Variants in DNAJC1 observed in about 807,000 individuals in gnomAD.
DNAJC1 encodes DnaJ heat shock protein family (Hsp40) member C1.
A neutral mutation model predicts 76.6 loss-of-function variants in DNAJC1; 58 were observed. The observed-to-expected ratio is 0.76, with a 90% CI of 0.61 to 0.94. The LOEUF is 0.94. DNAJC1 is among the 40% of genes least tolerant of loss of function. The pLI is 0.00. For missense variants in DNAJC1, 689 were observed against 677.3 expected (o/e 1.02, Z -0.19); for synonymous variants, 258 against 267.9 (o/e 0.96, Z 0.36).
At chr10:21,977,754 G>C (rs1331882904) in intron 1 of DNAJC1, among the ~76,000 whole-genome samples, 1 of 152,140 alleles carries the variant, frequency 6.6e-6, no homozygotes, top group Non-Finnish European at 1.5e-5. Flanking sequence ...CCCTGCATAT[G>C]AACATTATAT....
chr10:21,932,828 GC>G (rs1364966647), intron 1 of DNAJC1, among the ~76,000 whole-genome samples: 1 of 152,056 alleles, frequency 6.6e-6, no homozygotes, highest in African/African-American at 2.4e-5. Flanking sequence ...TTGCCATGTT[GC>G]CCAGGCTGGT....
intron 1 of DNAJC1, among the ~76,000 whole-genome samples, chr10:21,997,644 G>C (rs1263410258): frequency 6.6e-6 from 1 of 152,172 alleles, no homozygotes; most frequent in African/African-American, 2.4e-5. Context: ...CAACCATGGG[G>C]CACGGATGAA....
At chr10:21,809,966 G>A (rs1232639496) in intron 8 of DNAJC1, among the ~76,000 whole-genome samples, 1 of 151,672 alleles carries the variant, frequency 6.6e-6, no homozygotes. Flanking sequence ...GTGTGGCGGG[G>A]TGGGGGGAAT....
chr10:21,903,965 C>T (rs375950229), intron 7 of DNAJC1, among the ~76,000 whole-genome samples: 4 of 152,196 alleles, frequency 2.6e-5, no homozygotes, highest in South Asian at 2.1e-4. Context: ...AAAAGGACTG[C>T]GGCTGAGAAA....
intron 1 of DNAJC1, among the ~76,000 whole-genome samples, chr10:21,993,457 C>T (rs1433966813): frequency 1.3e-5 from 2 of 152,184 alleles, no homozygotes; most frequent in Non-Finnish European, 2.9e-5. Context: ...TCTTAAAAGG[C>T]CCTGCAAAAT....
At chr10:21,786,453 TATATATATATAG>T (rs1460415737) in intron 9 of DNAJC1, among the ~76,000 whole-genome samples, 160 of 76,316 alleles carry the variant, frequency 2.1e-3, no homozygotes, top group African/African-American at 4.8e-3. Context: ...TATATATATA[TATATATATATAG>T]AGAGAGAGAG....
chr10:21,995,920 G>A (rs1838409351), intron 1 of DNAJC1, among the ~76,000 whole-genome samples: 2 of 152,060 alleles, frequency 1.3e-5, no homozygotes, highest in African/African-American at 4.8e-5. Flanking sequence ...AAAAATTTCA[G>A]TAAATATAAG....
At chr10:21,824,001 T>C (rs749298478) in intron 8 of DNAJC1, among the ~76,000 whole-genome samples, 10 of 152,188 alleles carry the variant, frequency 6.6e-5, no homozygotes, top group Admixed American at 3.3e-4. Context: ...TAAAAACATA[T>C]GGACAAATTC....
At chr10:21,949,399 C>G (rs143643582) in intron 1 of DNAJC1, among the ~76,000 whole-genome samples, 1 of 109,280 alleles carries the variant, frequency 9.2e-6, no homozygotes, top group Non-Finnish European at 1.8e-5. Context: ...CCCCTCCCCC[C>G]ACCCCCTTCT....
chr10:21,875,017 A>G lies in DNAJC1; in HGVS notation c.978+7265T>C, dbSNP rs551369617. Among the ~76,000 whole-genome samples, 6 of 152,070 alleles carry G rather than the reference A, an allele frequency of 3.9e-5. 1 individual carries two copies. In the East Asian group the frequency reaches 1.2e-3, roughly 29 times the overall value. Reference sequence around the variant, plus strand: ...TGCCTCAGCATCCCAAGTAGCTGGGATTACAGGCACGTACCACCACACACG... The same window carrying G: ...TGCCTCAGCATCCCAAGTAGCTGGGGTTACAGGCACGTACCACCACACACG... On this transcript the variant is annotated intron_variant, in intron 8 of 11. Transcript: ENST00000376980.
At chr10:21,787,700 C>T (rs751806713) in intron 9 of DNAJC1, among the ~76,000 whole-genome samples, 3 of 152,172 alleles carry the variant, frequency 2.0e-5, no homozygotes, top group Non-Finnish European at 4.4e-5. Flanking sequence ...AACCAGGTGG[C>T]CACTTCTGTC....
At chr10:21,855,013 A>G (rs568799287) in intron 8 of DNAJC1, among the ~76,000 whole-genome samples, 1 of 152,298 alleles carries the variant, frequency 6.6e-6, no homozygotes, top group South Asian at 2.1e-4. Context: ...GCTGATAAAA[A>G]TCTACTTTAA....
intron 8 of DNAJC1, among the ~76,000 whole-genome samples, chr10:21,872,338 G>A (rs542568397): frequency 6.6e-6 from 1 of 152,128 alleles, no homozygotes; most frequent in East Asian, 1.9e-4. Context: ...CCAAAGTGCT[G>A]TGATTACAGG....
At chr10:21,805,460 A>G (rs1297292712) in intron 9 of DNAJC1, among the ~76,000 whole-genome samples, 1 of 151,558 alleles carries the variant, frequency 6.6e-6, no homozygotes, top group Non-Finnish European at 1.5e-5. Flanking sequence ...ACACACACAC[A>G]CACACACACA....
chr10:21,996,186 CT>C (rs1838413074), intron 1 of DNAJC1, among the ~76,000 whole-genome samples: 1 of 152,094 alleles, frequency 6.6e-6, no homozygotes, highest in Admixed American at 6.6e-5. Context: ...GTAAGAAAGG[CT>C]TTGGAATTGT....
intron 1 of DNAJC1, among the ~76,000 whole-genome samples, chr10:21,932,637 G>C (rs186311760): frequency 9.1e-4 from 138 of 152,302 alleles, no homozygotes; most frequent in African/African-American, 3.1e-3. Context: ...GATCAGAGTT[G>C]ACCTTGTTCT....
chr10:21,840,052 C>A (rs566849148), intron 8 of DNAJC1, among the ~76,000 whole-genome samples: 66 of 152,304 alleles, frequency 4.3e-4, no homozygotes, highest in African/African-American at 1.4e-3. Context: ...AATTCAACAA[C>A]GCTTCATGCT....
chr10:21,889,162 G>C (rs1021282211), intron 7 of DNAJC1, among the ~76,000 whole-genome samples: 6 of 152,122 alleles, frequency 3.9e-5, no homozygotes, highest in African/African-American at 1.4e-4. Context: ...AATCACGGCA[G>C]AAGGCAAAGG....
intron 8 of DNAJC1, among the ~76,000 whole-genome samples, chr10:21,846,132 G>A (rs1296639201): frequency 6.6e-6 from 1 of 152,170 alleles, no homozygotes; most frequent in East Asian, 1.9e-4. Context: ...CAGTAAATGG[G>A]AAATAATAAT....
Sources: allele counts gnomAD v4.1 joint callset (sites outside exome capture counted in the v4.1 genomes callset), GRCh38; gene constraint gnomAD v4.1.1; transcripts MANE v1.5; gene names NCBI Gene and HGNC (gene_info 2026-07-23, HGNC 2026-07-21).